PRKN: variants seen among roughly 807,000 people sequenced by gnomAD.
The protein encoded by PRKN is E3 ubiquitin-protein ligase parkin.
Under a neutral mutation model 59.5 loss-of-function variants are expected in PRKN, and 56 were observed. The observed-to-expected ratio is 0.94, with a 90% confidence interval of 0.76 to 1.18. The LOEUF is 1.18. Ranked by LOEUF, PRKN falls within the 50% of genes most tolerant of loss-of-function variation. The probability of loss-of-function intolerance (pLI) is 0.00; values close to 1 mark genes in which losing one functional copy is unlikely to be tolerated. For synonymous variants in PRKN, 250 were observed against 222.1 expected (o/e 1.13, Z -1.12); for missense variants, 657 against 596.4 (o/e 1.10, Z -1.06).
Position 161,412,800 on chromosome 6 carries a change from C to T in PRKN, c.1084-25923G>A, listed in dbSNP as rs185227769. ...TCACTCATTCCTTCCTCACTCATTC[C>T]TTCACTCACTCATTCCTTCACTCAC... On this transcript the variant is annotated intron_variant, in intron 9 of 11. Transcript: ENST00000366898. Among the ~76,000 whole-genome samples, 1,260 of 151,380 alleles carry T rather than the reference C, an allele frequency of 8.3e-3. 10 individuals carry two copies. Among genetic ancestry groups the T allele is most frequent in the Non-Finnish European group, 0.014 (956 of 67,824 alleles).
rs1780034386 is a variant in PRKN, at chr6:161,551,944, C to T, written c.934-2941G>A. On this transcript the variant is annotated intron_variant, in intron 8 of 11. Transcript: ENST00000366898. This position sits in a 1 kb window ranked among gnomAD's most constrained non-coding sequence, Gnocchi z 5.2. ...TGGCCTTCAGAGAGCAGGCAGCCAT[C>T]CTTAGGAAGAGGAGGCCCGGCTGAG... Among the ~76,000 whole-genome samples, 1 of 152,052 alleles carries T rather than the reference C, an allele frequency of 6.6e-6. No individual in the cohort carries two copies. The highest frequency in any genetic ancestry group is 6.5e-5 in the Admixed American group (1 of 15,276).
intron 5 of PRKN, among the ~76,000 whole-genome samples, chr6:162,005,274 T>C (rs536051194): frequency 2.6e-5 from 4 of 152,278 alleles, no homozygotes; most frequent in South Asian, 2.1e-4. Flanking sequence ...ATAAAAGAAA[T>C]AAAGTATAGG....
At chr6:162,623,360 G>GATGA (rs1284743313) in intron 1 of PRKN, among the ~76,000 whole-genome samples, 1 of 152,186 alleles carries the variant, frequency 6.6e-6, no homozygotes, top group Non-Finnish European at 1.5e-5. Flanking sequence ...TGATCACTTA[G>GATGA]ATGAATGTTG....
At chr6:161,894,188 C>T (rs1032122413) in intron 6 of PRKN, among the ~76,000 whole-genome samples, 19 of 152,164 alleles carry the variant, frequency 1.2e-4, no homozygotes, top group African/African-American at 3.6e-4. Context: ...GACCTACCAA[C>T]CCCACCATGA....
intron 7 of PRKN, among the ~76,000 whole-genome samples, chr6:161,727,055 A>G (rs1305148758): frequency 6.6e-6 from 1 of 152,108 alleles, no homozygotes; most frequent in Non-Finnish European, 1.5e-5. Context: ...GGATCTTTTC[A>G]TTCACAAGGA....
intron 1 of PRKN, among the ~76,000 whole-genome samples, chr6:162,652,386 A>C (rs1177103870): frequency 2.6e-5 from 4 of 152,296 alleles, no homozygotes; most frequent in Admixed American, 2.6e-4. Flanking sequence ...TTGTGTCACA[A>C]GTGTTGTATC....
intron 4 of PRKN, among the ~76,000 whole-genome samples, chr6:162,152,121 G>C (rs1329622827): frequency 6.6e-6 from 1 of 152,092 alleles, no homozygotes; most frequent in Non-Finnish European, 1.5e-5. Context: ...TGGAAAGAAA[G>C]GCTCTTCTCT....
chr6:162,450,914 G>A (rs1364139769), intron 1 of PRKN, among the ~76,000 whole-genome samples: 1 of 152,144 alleles, frequency 6.6e-6, no homozygotes, highest in African/African-American at 2.4e-5. Flanking sequence ...AACAGATGTA[G>A]TATAACAATG....
At chr6:162,672,571 A>G (rs1235806327) in intron 1 of PRKN, among the ~76,000 whole-genome samples, 1 of 152,162 alleles carries the variant, frequency 6.6e-6, no homozygotes, top group Non-Finnish European at 1.5e-5. Flanking sequence ...TTATATTTAA[A>G]AACAAATACT....
intron 1 of PRKN, among the ~76,000 whole-genome samples, chr6:162,694,236 CAAAA>C (rs149337714): frequency 4.3e-5 from 4 of 93,514 alleles, no homozygotes; most frequent in Non-Finnish European, 4.0e-5. Context: ...AACAGTGAGA[CAAAA>C]AAAAAAAAAA....
chr6:162,701,166 A>AT, intron 1 of PRKN, among the ~76,000 whole-genome samples: 1 of 152,132 alleles, frequency 6.6e-6, no homozygotes, highest in Non-Finnish European at 1.5e-5. Context: ...ATGAAATGTG[A>AT]TTTTTGTCTA....
At chr6:162,623,756 AAC>A (rs1263207400) in intron 1 of PRKN, among the ~76,000 whole-genome samples, 2 of 152,170 alleles carry the variant, frequency 1.3e-5, no homozygotes, top group Non-Finnish European at 2.9e-5. Flanking sequence ...TTTATTTTAA[AAC>A]AGTGATTTTA....
At chr6:162,623,952 A>G (rs1375648264) in intron 1 of PRKN, among the ~76,000 whole-genome samples, 2 of 152,116 alleles carry the variant, frequency 1.3e-5, no homozygotes, top group Non-Finnish European at 2.9e-5. Context: ...GTTTTTCTCA[A>G]ACAAAACTGA....
chr6:161,499,551 TG>T lies in PRKN; in HGVS notation c.1083+49302del, dbSNP rs1159885738. ...TTCTAGCCTCTTGCATCTACCTCTATGGTTTGACTTCTGAAAATGTGGTCCC... is the reference window on the plus strand; with the variant it reads ...TTCTAGCCTCTTGCATCTACCTCTATGTTTGACTTCTGAAAATGTGGTCCC... On this transcript the variant is annotated intron_variant, in intron 9 of 11. Coordinates refer to ENST00000366898, the MANE Select transcript of PRKN (RefSeq NM_004562.3). The surrounding 1 kb of genome is among the most constrained non-coding windows in gnomAD (Gnocchi z 4.2). Among the ~76,000 whole-genome samples, 1 of 152,202 alleles carries T rather than the reference TG, an allele frequency of 6.6e-6. No homozygotes were observed. The highest frequency in any genetic ancestry group is 2.4e-5 in the African/African-American group (1 of 41,454).
intron 7 of PRKN, among the ~76,000 whole-genome samples, chr6:161,711,019 T>C (rs769809510): frequency 6.6e-6 from 1 of 151,202 alleles, no homozygotes; most frequent in African/African-American, 2.4e-5. Flanking sequence ...ATTGTAGACA[T>C]GGAGAAAGGA....
chr6:162,028,575 T>A (rs1717083744), intron 5 of PRKN, among the ~76,000 whole-genome samples: 1 of 152,316 alleles, frequency 6.6e-6, no homozygotes, highest in Non-Finnish European at 1.5e-5. Context: ...TGGAAGAAGC[T>A]GCTTCCTTTG....
rs1788276821 is a variant in PRKN at position 161,743,377 on chromosome 6, A to G, written c.871+42395T>C. Among the ~76,000 whole-genome samples the G allele has an allele frequency of 2.4e-5, 3 of 125,656 alleles. No homozygotes were observed. In the Admixed American group the frequency reaches 2.4e-4, roughly 10 times the overall value. 82.4% of individuals were successfully genotyped at this position (125,656 alleles called of 152,430 possible). On this transcript the variant is annotated intron_variant, in intron 7 of 11. Transcript: ENST00000366898. ...TGGGACTACAGGCGCCCGCCACCAC[A>G]TCCAGCTTTTTTATTTATTTATTTA...
chr6:162,396,510 TG>T (rs1428140806), intron 2 of PRKN, among the ~76,000 whole-genome samples: 5 of 152,248 alleles, frequency 3.3e-5, no homozygotes, highest in Admixed American at 6.5e-5. Context: ...CAACTTGTCA[TG>T]GTGGAGCCTC....
At chr6:161,474,162 C>T (rs1790946640) in intron 9 of PRKN, among the ~76,000 whole-genome samples, 1 of 152,274 alleles carries the variant, frequency 6.6e-6, no homozygotes, top group South Asian at 2.1e-4. Flanking sequence ...TATGGCGCCA[C>T]TGTTTACTAG....
Sources: allele counts gnomAD v4.1 joint callset (sites outside exome capture counted in the v4.1 genomes callset), GRCh38; gene constraint gnomAD v4.1.1; non-coding constraint Gnocchi (gnomAD v3.1); transcripts MANE v1.5; gene names NCBI Gene and HGNC (gene_info 2026-07-23, HGNC 2026-07-21).